The following UBE2E2 variants were observed in gnomAD, a reference collection of about 807,000 sequenced individuals.
UBE2E2 encodes ubiquitin conjugating enzyme E2 E2, also known as ubiquitin-conjugating enzyme E2 E2.
In UBE2E2, 6 loss-of-function variants were observed where a neutral mutation model predicts 24.7. The observed-to-expected ratio is 0.24, with a 90% CI of 0.13 to 0.48. UBE2E2 has a LOEUF of 0.48. Ranked by LOEUF, UBE2E2 falls within the 20% of genes least tolerant of loss-of-function variation. The pLI, the probability that UBE2E2 is intolerant of heterozygous loss-of-function variation, is 0.99. For missense variants in UBE2E2, 169 were observed against 245.0 expected (o/e 0.69, Z 2.07); for synonymous variants, 104 against 83.6 (o/e 1.24, Z -1.33).
chr3:23,285,806 T>C (rs1698603594), intron 3 of UBE2E2, among the ~76,000 whole-genome samples: 1 of 152,116 alleles, frequency 6.6e-6, no homozygotes. Flanking sequence ...CGATTCTGTT[T>C]CTCAGCCACT....
chr3:23,317,757 G>A (rs560548922), intron 3 of UBE2E2, among the ~76,000 whole-genome samples: 40 of 152,078 alleles, frequency 2.6e-4, no homozygotes, highest in Admixed American at 2.0e-3. Context: ...ACCTCCTACC[G>A]GGTCTCTCCC....
intron 3 of UBE2E2, among the ~76,000 whole-genome samples, chr3:23,260,967 G>A (rs978495663): frequency 6.6e-6 from 1 of 152,174 alleles, no homozygotes; most frequent in Non-Finnish European, 1.5e-5. Context: ...CCTGGGCGTG[G>A]TGGCATGTGC....
chr3:23,426,783 G>A (rs1697937544), intron 3 of UBE2E2, among the ~76,000 whole-genome samples: 1 of 152,052 alleles, frequency 6.6e-6, no homozygotes, highest in Admixed American at 6.6e-5. Context: ...CAAAAACTGG[G>A]ATCTCCATTA....
chr3:23,478,331 A>G (rs1699182525), intron 3 of UBE2E2, among the ~76,000 whole-genome samples: 1 of 152,216 alleles, frequency 6.6e-6, no homozygotes, highest in Non-Finnish European at 1.5e-5. Context: ...GCTGGTTAGG[A>G]GTGAAACCAG....
intron 5 of UBE2E2, among the ~76,000 whole-genome samples, chr3:23,577,313 T>C (rs1696367471): frequency 6.7e-6 from 1 of 148,262 alleles, no homozygotes; most frequent in South Asian, 2.2e-4. Context: ...GCTACTTTGA[T>C]GAACACAGGA....
At chr3:23,385,069 C>T (rs1243357991) in intron 3 of UBE2E2, among the ~76,000 whole-genome samples, 1 of 151,774 alleles carries the variant, frequency 6.6e-6, no homozygotes, top group Non-Finnish European at 1.5e-5. Flanking sequence ...TAGCTGGGAC[C>T]ACGGGCGCAC....
chr3:23,271,855 C>T (rs1450670987), intron 3 of UBE2E2, among the ~76,000 whole-genome samples: 1 of 152,226 alleles, frequency 6.6e-6, no homozygotes, highest in African/African-American at 2.4e-5. Flanking sequence ...CTCATTGGTG[C>T]ATCCACGAAC....
At chr3:23,224,721 C>T (rs918739820) in intron 3 of UBE2E2, among the ~76,000 whole-genome samples, 2 of 152,060 alleles carry the variant, frequency 1.3e-5, no homozygotes, top group Non-Finnish European at 2.9e-5. Flanking sequence ...GGATATACCA[C>T]ATTTTATTTT....
At chr3:23,511,248 C>T (rs1694588132) in intron 4 of UBE2E2, among the ~76,000 whole-genome samples, 2 of 152,346 alleles carry the variant, frequency 1.3e-5, no homozygotes, top group South Asian at 4.1e-4. Flanking sequence ...TCCCCTGTCC[C>T]TCATTGTGAC....
chr3:23,512,580 C>G (rs1694626456), intron 4 of UBE2E2, among the ~76,000 whole-genome samples: 1 of 151,994 alleles, frequency 6.6e-6, no homozygotes, highest in Admixed American at 6.6e-5. Flanking sequence ...TTCTGTAGTC[C>G]CTTTTGCCTC....
intron 3 of UBE2E2, among the ~76,000 whole-genome samples, chr3:23,486,770 A>AT (rs1232303176): frequency 6.6e-6 from 1 of 151,974 alleles, no homozygotes; most frequent in Non-Finnish European, 1.5e-5. Flanking sequence ...TGGGGTTTTT[A>AT]TTTGCTCAGA....
At chr3:23,449,402 G>A (rs1437854148) in intron 3 of UBE2E2, among the ~76,000 whole-genome samples, 1 of 152,156 alleles carries the variant, frequency 6.6e-6, no homozygotes, top group Non-Finnish European at 1.5e-5. Flanking sequence ...GAAGTAACTG[G>A]ATGGAATTTA....
intron 3 of UBE2E2, among the ~76,000 whole-genome samples, chr3:23,217,998 T>G (rs1429525166): frequency 6.6e-6 from 1 of 152,114 alleles, no homozygotes; most frequent in Non-Finnish European, 1.5e-5. Context: ...GGCTGTTTGG[T>G]TATTTTTAAG....
chr3:23,583,713 G>C lies in UBE2E2; in HGVS notation c.509-6021G>C, dbSNP rs1204183035. 6.6e-6 allele frequency among the ~76,000 whole-genome samples: 1 copy of C among 152,204 alleles called. No individual in the cohort carries two copies. Among genetic ancestry groups the C allele is most frequent in the Admixed American group, 6.5e-5 (1 of 15,276 alleles). On this transcript the variant is annotated intron_variant, in intron 5 of 5. Coordinates refer to ENST00000396703, the MANE Select transcript of UBE2E2 (RefSeq NM_152653.4). This position sits in a 1 kb window ranked among gnomAD's most constrained non-coding sequence, Gnocchi z 4.1. ...GATTGTGTTCTTGTTTTGGCTCTCA[G>C]CCTGTATGGTGTTGATGCATAGAAA... is the stretch of plus-strand genomic sequence containing the variant.
intron 5 of UBE2E2, among the ~76,000 whole-genome samples, chr3:23,566,713 A>G (rs570586740): frequency 1.3e-5 from 2 of 152,264 alleles, no homozygotes; most frequent in East Asian, 3.9e-4. Flanking sequence ...TACTGAGGGA[A>G]GAGCACTGAG....
intron 3 of UBE2E2, among the ~76,000 whole-genome samples, chr3:23,303,092 A>C (rs1699145902): frequency 6.6e-6 from 1 of 151,984 alleles, no homozygotes; most frequent in South Asian, 2.1e-4. Flanking sequence ...ATGGCATTGG[A>C]TTCTCATAGG....
chr3:23,355,232 GGTTGGGGGA>G (rs1695907021), intron 3 of UBE2E2, among the ~76,000 whole-genome samples: 1 of 147,416 alleles, frequency 6.8e-6, no homozygotes, highest in Non-Finnish European at 1.5e-5. Context: ...ACTGGTGGGG[GGTTGGGGGA>G]GGGGGGAGGG....
chr3:23,400,607 AACACACACACAC>A (rs3087043), intron 3 of UBE2E2, among the ~76,000 whole-genome samples: 6 of 137,836 alleles, frequency 4.4e-5, no homozygotes, highest in East Asian at 4.4e-4. Flanking sequence ...GAATAAATGA[AACACACACACAC>A]ACACACACAC....
intron 4 of UBE2E2, among the ~76,000 whole-genome samples, chr3:23,509,315 C>T (rs1694531568): frequency 6.6e-6 from 1 of 152,140 alleles, no homozygotes; most frequent in African/African-American, 2.4e-5. Context: ...TGTTGATTGT[C>T]TGTAAATTTG....
Sources: allele counts gnomAD v4.1 joint callset (sites outside exome capture counted in the v4.1 genomes callset), GRCh38; gene constraint gnomAD v4.1.1; non-coding constraint Gnocchi (gnomAD v3.1); transcripts MANE v1.5; gene names NCBI Gene and HGNC (gene_info 2026-07-23, HGNC 2026-07-21).